Variants in SNTG2 observed in about 807,000 individuals in gnomAD.
SNTG2 encodes the protein gamma-2-syntrophin.
In SNTG2, 74 loss-of-function variants were observed where a neutral mutation model predicts 70.9. The observed-to-expected ratio is 1.04, with a 90% CI of 0.86 to 1.27. The LOEUF (loss-of-function observed/expected upper bound fraction) is 1.27, where lower values mean the gene tolerates loss of function less well. SNTG2 is among the 50% of genes most tolerant of loss of function. The pLI is 0.00. For missense variants in SNTG2, 717 were observed against 690.7 expected, an observed-to-expected ratio of 1.04 and a Z score of -0.43; for synonymous variants, 278 against 273.8, an observed-to-expected ratio of 1.02 and a Z score of -0.15.
chr2:1,140,846 G>GAA (rs11436722), intron 6 of SNTG2, among the ~76,000 whole-genome samples: 6 of 151,280 alleles, frequency 4.0e-5, no homozygotes, highest in Non-Finnish European at 7.4e-5. Flanking sequence ...GACCTAATTG[G>GAA]AAAAAAAAAG....
rs938849066 is a variant in SNTG2 at position 1,367,589 on chromosome 2, A to G, written c.*115A>G. 7.9e-7 allele frequency: 1 copy of G among 1,260,322 alleles called. No individual in the cohort carries two copies. The highest frequency in any genetic ancestry group is 1.5e-5 in the African/African-American group (1 of 65,662). The allele number at this position is 1,260,322 out of a possible 1,614,324, so 78.1% of individuals were successfully genotyped here. A position where few individuals can be genotyped will look rare whatever the true frequency, so the allele number is the denominator to read the frequency against. The stretch of plus-strand genomic sequence containing the variant: ...TGATGAGCCTATAGTTGTGATACCA[A>G]TAAAACATGTCACTAGTTTCCAAAG... On this transcript the variant is annotated 3_prime_UTR_variant, in exon 17 of 17. Transcript: ENST00000308624.
At chr2:1,036,873 G>A (rs1034297194) in intron 1 of SNTG2, among the ~76,000 whole-genome samples, 10 of 152,250 alleles carry the variant, frequency 6.6e-5, no homozygotes, top group South Asian at 6.2e-4. Flanking sequence ...CTCTCTCTGC[G>A]TCTTATTAGC....
chr2:1,264,568 T>G (rs1678622594), intron 13 of SNTG2, among the ~76,000 whole-genome samples: 1 of 152,258 alleles, frequency 6.6e-6, no homozygotes, highest in Non-Finnish European at 1.5e-5. Context: ...CACCACAGAT[T>G]GAGGTCTGCA....
At position 1,105,901 on chromosome 2, in the gene SNTG2, C is replaced by G. The variant is rs118159539; in HGVS notation, c.325+7491C>G. Among the ~76,000 whole-genome samples the G allele has an allele frequency of 4.5e-4, 68 of 152,344 alleles. No individual in the cohort carries two copies. The East Asian group carries it at 0.011, about 26-fold the overall frequency. Reference sequence around the variant, plus strand: ...ATCAGCCTCCCCCGCGTGTCACAGCCAGGTCAGGATGCACACCTGGTGGCC... The same window carrying G: ...ATCAGCCTCCCCCGCGTGTCACAGCGAGGTCAGGATGCACACCTGGTGGCC... On this transcript the variant is annotated intron_variant, in intron 4 of 16. Transcript: ENST00000308624.
intron 9 of SNTG2, among the ~76,000 whole-genome samples, chr2:1,229,289 G>C (rs1676021758): frequency 7.5e-6 from 1 of 133,516 alleles, no homozygotes; most frequent in Admixed American, 8.0e-5. Context: ...AGATACAAAG[G>C]TTCTCCACGT....
At position 1,135,843 on chromosome 2, in the gene SNTG2, G is replaced by A. The variant is rs551334454; in HGVS notation, c.326-1779G>A. Among the ~76,000 whole-genome samples, 19 of 152,282 alleles carry A rather than the reference G, an allele frequency of 1.2e-4. No individual in the cohort carries two copies. In the South Asian group the frequency reaches 2.9e-3, roughly 23 times the overall value. On this transcript the variant is annotated intron_variant, in intron 4 of 16. Transcript: ENST00000308624. ...AAATCAATGCGTCTAAATGCACAGA[G>A]ATTTTTATTTTCTATAGGTCCATTC...
At chr2:1,032,188 C>T (rs1444666792) in intron 1 of SNTG2, among the ~76,000 whole-genome samples, 1 of 152,148 alleles carries the variant, frequency 6.6e-6, no homozygotes, top group Non-Finnish European at 1.5e-5. Context: ...GCAGCGGGAC[C>T]ACGGGCTGGG....
intron 14 of SNTG2, among the ~76,000 whole-genome samples, chr2:1,290,138 G>C: frequency 6.6e-6 from 1 of 152,096 alleles, no homozygotes; most frequent in African/African-American, 2.4e-5. Flanking sequence ...ACTACCTGAG[G>C]TTAGGTTATT....
intron 14 of SNTG2, among the ~76,000 whole-genome samples, chr2:1,291,681 C>G (rs1679999850): frequency 6.6e-6 from 1 of 152,178 alleles, no homozygotes; most frequent in Non-Finnish European, 1.5e-5. Flanking sequence ...TTTCATCGCT[C>G]TCTGTTCTGT....
intron 15 of SNTG2, among the ~76,000 whole-genome samples, chr2:1,313,947 G>A (rs1336549192): frequency 6.6e-6 from 1 of 152,200 alleles, no homozygotes; most frequent in African/African-American, 2.4e-5. Context: ...TACAGTTGCA[G>A]TGCAATATCA....
intron 4 of SNTG2, among the ~76,000 whole-genome samples, chr2:1,098,666 C>A (rs1445790723): frequency 6.6e-6 from 1 of 152,152 alleles, no homozygotes; most frequent in African/African-American, 2.4e-5. Context: ...TATCCCCCCT[C>A]TAAAGATATT....
intron 4 of SNTG2, among the ~76,000 whole-genome samples, chr2:1,121,291 C>G (rs1319195598): frequency 6.6e-6 from 1 of 151,810 alleles, no homozygotes; most frequent in African/African-American, 2.4e-5. Context: ...TGATAAATAC[C>G]TACATTAAAA....
chr2:1,079,162 C>T (rs1664117994), intron 1 of SNTG2, among the ~76,000 whole-genome samples: 1 of 152,330 alleles, frequency 6.6e-6, no homozygotes, highest in South Asian at 2.1e-4. Context: ...ACCCGCGTCC[C>T]CTCTCCTTGC....
intron 13 of SNTG2, among the ~76,000 whole-genome samples, chr2:1,263,917 C>G (rs1678584818): frequency 6.6e-6 from 1 of 152,178 alleles, no homozygotes; most frequent in African/African-American, 2.4e-5. Flanking sequence ...ACCTGGTGTT[C>G]TTCTATTATA....
Position 1,296,507 on chromosome 2 carries a change from G to T in SNTG2, c.1285-11987G>T, listed in dbSNP as rs181410774. Among the ~76,000 whole-genome samples the T allele has an allele frequency of 4.4e-3, 664 of 152,276 alleles. 6 individuals are homozygous for T. Among genetic ancestry groups the T allele is most frequent in the African/African-American group, 0.015 (622 of 41,562 alleles). ...ACAATTAGAGAAGCCTCTTCTACCC[G>T]TGTATTAGTAAAACTGAAAAATACA... On this transcript the variant is annotated intron_variant, in intron 14 of 16. Coordinates refer to ENST00000308624, the MANE Select transcript of SNTG2 (RefSeq NM_018968.4).
intron 1 of SNTG2, among the ~76,000 whole-genome samples, chr2:1,014,512 T>A (rs56096937): frequency 2.9e-4 from 20 of 68,466 alleles, no homozygotes; most frequent in Admixed American, 1.0e-3. Flanking sequence ...GGGATTTATA[T>A]GGGCAGAAAG....
At chr2:1,024,092 T>C (rs1572241228) in intron 1 of SNTG2, among the ~76,000 whole-genome samples, 3 of 152,046 alleles carry the variant, frequency 2.0e-5, no homozygotes, top group African/African-American at 7.2e-5. Flanking sequence ...GTGGCTGCGG[T>C]AGACATGGGT....
At chr2:1,019,565 C>G (rs1178249045) in intron 1 of SNTG2, among the ~76,000 whole-genome samples, 2 of 152,124 alleles carry the variant, frequency 1.3e-5, no homozygotes, top group Non-Finnish European at 2.9e-5. Flanking sequence ...ATTGCACACT[C>G]TTCTGGAAAG....
intron 14 of SNTG2, among the ~76,000 whole-genome samples, chr2:1,307,512 A>C (rs1482257361): frequency 1.3e-5 from 2 of 151,786 alleles, no homozygotes; most frequent in African/African-American, 4.8e-5. Context: ...GTAGGCATCA[A>C]GCACCCATTT....
Sources: allele counts gnomAD v4.1 joint callset (sites outside exome capture counted in the v4.1 genomes callset), GRCh38; gene constraint gnomAD v4.1.1; transcripts MANE v1.5; gene names NCBI Gene and HGNC (gene_info 2026-07-23, HGNC 2026-07-21).